GNB4: variants seen among roughly 807,000 people sequenced by gnomAD.
GNB4 encodes the protein guanine nucleotide-binding protein subunit beta-4.
A neutral mutation model predicts 45.2 loss-of-function variants in GNB4; 28 were observed. The observed-to-expected ratio is 0.62, with a 90% confidence interval of 0.46 to 0.85. The LOEUF is 0.85. Ranked by LOEUF, GNB4 falls within the 40% of genes least tolerant of loss-of-function variation. The pLI is 0.00. For synonymous variants in GNB4, 132 were observed against 143.7 expected, an observed-to-expected ratio of 0.92 and a Z score of 0.58; for missense variants, 321 against 425.4, an observed-to-expected ratio of 0.75 and a Z score of 2.16.
chr3:179,417,241 AC>A (rs1361572835), intron 4 of GNB4, among the ~76,000 whole-genome samples: 1 of 152,188 alleles, frequency 6.6e-6, no homozygotes, highest in African/African-American at 2.4e-5. Context: ...AGAAAAATAC[AC>A]TGAGTGTTGT....
intron 9 of GNB4, among the ~76,000 whole-genome samples, chr3:179,404,270 G>C (rs1714396496): frequency 6.6e-6 from 1 of 152,182 alleles, no homozygotes; most frequent in Non-Finnish European, 1.5e-5. Context: ...TATCATATGG[G>C]AAAAACTGGT....
In GNB4 at chr3:179,431,557, C is replaced by CAA. The variant is rs71181291; in HGVS notation, c.-42-5317_-42-5316dup. The stretch of plus-strand genomic sequence containing the variant: ...CTGGGTGAAGAGTGAGACTCTGTCT[C>CAA]AAAAAAAAAAAAAAAAGACTAAATC... On this transcript the variant is annotated intron_variant, in intron 1 of 9. Coordinates refer to ENST00000232564, the MANE Select transcript of GNB4 (RefSeq NM_021629.4). 5.1e-3 allele frequency among the ~76,000 whole-genome samples: 655 copies of CAA among 128,472 alleles called. 12 individuals are homozygous for CAA. The highest frequency in any genetic ancestry group is 0.012 in the Middle Eastern group (3 of 244). 84.3% of individuals were successfully genotyped at this position (128,472 alleles called of 152,430 possible).
chr3:179,470,460 A>G, the GNB4 span, among the ~76,000 whole-genome samples: 1 of 151,872 alleles, frequency 6.6e-6, no homozygotes, highest in Non-Finnish European at 1.5e-5. Flanking sequence ...AAAAATTTAC[A>G]AAGTTAAAAA....
At chr3:179,434,736 GAA>G (rs1438801304) in intron 1 of GNB4, among the ~76,000 whole-genome samples, 1 of 149,746 alleles carries the variant, frequency 6.7e-6, no homozygotes, top group African/African-American at 2.5e-5. Context: ...AAAAAAAAAA[GAA>G]AGAAGAAAAA....
At chr3:179,507,970 G>A in the GNB4 span, among the ~76,000 whole-genome samples, 1 of 152,154 alleles carries the variant, frequency 6.6e-6, no homozygotes, top group African/African-American at 2.4e-5. Context: ...AAACAAAATG[G>A]AGAAGTCTAA....
the GNB4 span, among the ~76,000 whole-genome samples, chr3:179,502,935 G>A: frequency 6.6e-6 from 1 of 152,186 alleles, no homozygotes; most frequent in African/African-American, 2.4e-5. Context: ...AAACCCCTGG[G>A]TTCAAGCCGT....
chr3:179,433,919 G>A (rs540959457), intron 1 of GNB4, among the ~76,000 whole-genome samples: 3 of 152,118 alleles, frequency 2.0e-5, no homozygotes, highest in Non-Finnish European at 4.4e-5. Context: ...TCAACCTCAG[G>A]AATCAGGGAA....
At chr3:179,454,804 C>T (rs1378181797), upstream of GNB4, among the ~76,000 whole-genome samples, 10 of 152,070 alleles carry the variant, frequency 6.6e-5, no homozygotes, top group African/African-American at 2.4e-4. Flanking sequence ...CATACAACAT[C>T]ACAACTACCG....
At chr3:179,506,719 T>G in the GNB4 span, among the ~76,000 whole-genome samples, 3 of 152,224 alleles carry the variant, frequency 2.0e-5, no homozygotes, top group East Asian at 5.8e-4. Context: ...GTTACTTTCT[T>G]CATGCTTCTC....
chr3:179,436,042 C>T (rs1036130169), intron 1 of GNB4, among the ~76,000 whole-genome samples: 1 of 152,178 alleles, frequency 6.6e-6, no homozygotes, highest in Non-Finnish European at 1.5e-5. Flanking sequence ...TACTAAGTTT[C>T]ATACCAATCA....
intron 8 of GNB4, among the ~76,000 whole-genome samples, chr3:179,413,208 CCAA>C (rs1224632826): frequency 6.6e-6 from 1 of 151,792 alleles, no homozygotes; most frequent in African/African-American, 2.4e-5. Context: ...AAAAAAAAAT[CCAA>C]CAATAACAAA....
At chr3:179,477,091 C>G in the GNB4 span, among the ~76,000 whole-genome samples, 1 of 152,150 alleles carries the variant, frequency 6.6e-6, no homozygotes, top group Non-Finnish European at 1.5e-5. Context: ...TTAAAGATAT[C>G]TGAAGTGCCT....
chr3:179,412,743 T>A (rs1466686704), intron 8 of GNB4, among the ~76,000 whole-genome samples: 3 of 152,138 alleles, frequency 2.0e-5, no homozygotes, highest in Non-Finnish European at 4.4e-5. Context: ...TGTTCTCTCT[T>A]TGGGTTGTTC....
At chr3:179,464,632 GAATCAAC>G in the GNB4 span, 1 of 1,179,688 alleles carries the variant, frequency 8.5e-7, no homozygotes, top group Non-Finnish European at 1.3e-6. Flanking sequence ...GCAGATGTGG[GAATCAAC>G]AGTGAGACAA....
the GNB4 span, among the ~76,000 whole-genome samples, chr3:179,511,254 A>G: frequency 1.3e-5 from 2 of 152,128 alleles, no homozygotes; most frequent in South Asian, 4.1e-4. Flanking sequence ...TCCACATATT[A>G]TATGTTTGGT....
At chr3:179,432,251 C>A (rs1338021332) in intron 1 of GNB4, among the ~76,000 whole-genome samples, 4 of 152,196 alleles carry the variant, frequency 2.6e-5, no homozygotes, top group Admixed American at 2.6e-4. Context: ...CGCAACCTTT[C>A]TTTGGATGTC....
At chr3:179,492,713 A>T in the GNB4 span, among the ~76,000 whole-genome samples, 1 of 152,126 alleles carries the variant, frequency 6.6e-6, no homozygotes, top group Non-Finnish European at 1.5e-5. Flanking sequence ...CTCCGCAGCC[A>T]TTCTGAGCAC....
At chr3:179,502,128 T>C in the GNB4 span, among the ~76,000 whole-genome samples, 1 of 152,164 alleles carries the variant, frequency 6.6e-6, no homozygotes, top group African/African-American at 2.4e-5. Flanking sequence ...TGGTATTGTT[T>C]TCATATTATT....
At chr3:179,524,126 A>G in the GNB4 span, among the ~76,000 whole-genome samples, 1 of 152,194 alleles carries the variant, frequency 6.6e-6, no homozygotes, top group African/African-American at 2.4e-5. Context: ...ACCCTCCACT[A>G]TAAGAGTTAT....
Sources: gnomAD v4.1 joint callset for allele counts (sites outside exome capture counted in the v4.1 genomes callset) on GRCh38, gnomAD v4.1.1 for gene constraint, MANE v1.5 for transcripts, NCBI Gene and HGNC (gene_info 2026-07-23, HGNC 2026-07-21) for gene names.